The following ZNF626 variants were observed in gnomAD, a reference collection of about 807,000 sequenced individuals.
The protein encoded by ZNF626 is zinc finger protein 626.
ZNF626 carries 4 observed loss-of-function variants against 11.7 expected under a neutral mutation model. The ratio of observed to expected loss-of-function variants is 0.34; its 90% CI spans 0.17 to 0.78. The LOEUF (loss-of-function observed/expected upper bound fraction) is 0.78. Among genes scored for constraint, ZNF626 ranks in the 30% least tolerant of loss-of-function variants. ZNF626 has a pLI of 0.57. For missense variants in ZNF626, 588 were observed against 587.1 expected, an observed-to-expected ratio of 1.00 and a Z score of -0.01; for synonymous variants, 179 against 198.6, an observed-to-expected ratio of 0.90 and a Z score of 0.83.
chr19:20,627,501 A>G (rs1969851526), intron 3 of ZNF626, among the ~76,000 whole-genome samples: 1 of 152,088 alleles, frequency 6.6e-6, no homozygotes, highest in Admixed American at 6.6e-5. Flanking sequence ...GCAAAAAACC[A>G]CGAAAACCAC....
At chr19:20,629,787 T>G (rs12609895) in intron 3 of ZNF626, among the ~76,000 whole-genome samples, 1 of 152,288 alleles carries the variant, frequency 6.6e-6, no homozygotes, top group African/African-American at 2.4e-5. Context: ...TCCTGCCTGA[T>G]TGCCCTGGCC....
intron 1 of ZNF626, among the ~76,000 whole-genome samples, chr19:20,655,934 C>CA (rs59003455): frequency 0.021 from 2,716 of 129,542 alleles, 36 homozygotes; most frequent in East Asian, 0.023. Flanking sequence ...GACTTTGCCT[C>CA]AAAAAAAAAA....
chr19:20,631,156 T>C (rs559584870), intron 3 of ZNF626, among the ~76,000 whole-genome samples: 1 of 152,262 alleles, frequency 6.6e-6, no homozygotes, highest in East Asian at 1.9e-4. Flanking sequence ...TTATAATTTC[T>C]GTTCTTTTAC....
At chr19:20,644,352 G>A (rs547624934) in intron 3 of ZNF626, among the ~76,000 whole-genome samples, 9 of 152,168 alleles carry the variant, frequency 5.9e-5, no homozygotes, top group Non-Finnish European at 1.3e-4. Context: ...GCAAAGTCCC[G>A]AAGGATATGC....
Position 20,645,779 on chromosome 19 carries a change from C to T in ZNF626, c.131G>A (p.Gly44Asp), listed in dbSNP as rs983760818. 1.9e-6 allele frequency: 3 copies of T among 1,601,234 alleles called. No homozygotes were observed. Among genetic ancestry groups the T allele is most frequent in the Non-Finnish European group, 2.6e-6 (3 of 1,174,356 alleles). ...CAGGTCTGGCTTAGAAACAGTAATACCTGTTTTATTAAAAATAAATAACAT... is the reference window on the plus strand; with the variant it reads ...CAGGTCTGGCTTAGAAACAGTAATATCTGTTTTATTAAAAATAAATAACAT... Reference protein sequence around the residue: ...LENYSNLVFLGITVSKPDLIT... With the variant: ...LENYSNLVFLDITVSKPDLIT... Residue 44 changes from glycine (G) to aspartate (D), a missense_variant and splice_region_variant, in exon 3 of 4, where the codon GGT becomes GAT. Physicochemically the swap from Gly to Asp is moderately conservative, Grantham distance 94. Coordinates refer to ENST00000601440, the MANE Select transcript of ZNF626 (RefSeq NM_001076675.3).
chr19:20,625,532 T>C lies in ZNF626; in HGVS notation c.345A>G (p.Lys115=). The change falls in exon 4 of 4, where the codon AAA becomes AAG. Residue 115 remains lysine, a synonymous_variant. Transcript: ENST00000601440. The part of the protein sequence containing the change: ...KCEHDNLQLK[K]GCISVDECKV... ...TACACTCATCCACACTTATACATCC[T>C]TTTTTTAACTGTAAATTGTCATGTT... 1 of 1,612,624 alleles carries C rather than the reference T, an allele frequency of 6.2e-7. No homozygotes were observed. Among genetic ancestry groups the C allele is most frequent in the South Asian group, 1.1e-5 (1 of 90,682 alleles).
chr19:20,631,564 C>T (rs1432140550), intron 3 of ZNF626, among the ~76,000 whole-genome samples: 72 of 148,032 alleles, frequency 4.9e-4, no homozygotes, highest in African/African-American at 1.7e-3. Flanking sequence ...CTCTTTTGAT[C>T]TTTGTTGGTT....
At chr19:20,635,979 A>G (rs1969961305) in intron 3 of ZNF626, among the ~76,000 whole-genome samples, 2 of 152,134 alleles carry the variant, frequency 1.3e-5, no homozygotes, top group South Asian at 4.1e-4. Flanking sequence ...CTAAAAGTAC[A>G]AAATTAGCCG....
intron 3 of ZNF626, among the ~76,000 whole-genome samples, chr19:20,630,363 C>T (rs1325922995): frequency 6.6e-6 from 1 of 152,086 alleles, no homozygotes; most frequent in Non-Finnish European, 1.5e-5. Context: ...GGTACCAGCT[C>T]CTCTTTGTAC....
chr19:20,658,362 G>A (rs274805), intron 1 of ZNF626, among the ~76,000 whole-genome samples: 77,643 of 151,948 alleles, frequency 0.51, 22,913 homozygotes, highest in African/African-American at 0.82. Flanking sequence ...GGCAAGAAAC[G>A]CTAGGATCAA....
Position 20,624,831 on chromosome 19 carries a change from G to A in ZNF626, c.1046C>T (p.Ala349Val). The A allele has an allele frequency of 1.2e-6, 2 of 1,605,496 alleles. No individual in the cohort carries two copies. Among genetic ancestry groups the A allele is most frequent in the Non-Finnish European group, 8.5e-7 (1 of 1,176,194 alleles). The change falls in exon 4 of 4, where the codon GCC (alanine) becomes GTC (valine). Residue 349 changes from alanine (A) to valine (V), a missense_variant. Transcript: ENST00000601440. ...KPYKCEECGK[A>V]FKYSSTLTTH... ...AGTAAGGGTAGAGGAGTACTTAAAG[G>A]CTTTGCCACATTCTTCACATTTGTA...
At chr19:20,629,824 G>A (rs111789058) in intron 3 of ZNF626, among the ~76,000 whole-genome samples, 13 of 152,162 alleles carry the variant, frequency 8.5e-5, no homozygotes, top group Non-Finnish European at 1.9e-4. Flanking sequence ...TGTTGAATAG[G>A]AGTGGTGAGA....
intron 1 of ZNF626, among the ~76,000 whole-genome samples, chr19:20,654,068 A>G (rs928133935): frequency 1.3e-5 from 2 of 152,220 alleles, no homozygotes. Flanking sequence ...TATTCTTTGG[A>G]TATTAGATAT....
In ZNF626 at chr19:20,661,518, G is replaced by C; in HGVS notation, c.-72C>G. ...TACCTGCAGGACACGGGGCCACACA[G>C]CCTGGGCCTTTAGGAGAAGAACCAG... On this transcript the variant is annotated 5_prime_UTR_variant, in exon 1 of 4. Transcript: ENST00000601440. 1 of 1,538,250 alleles carries C rather than the reference G, an allele frequency of 6.5e-7. No individual in the cohort carries two copies. Among genetic ancestry groups the C allele is most frequent in the Non-Finnish European group, 8.7e-7 (1 of 1,144,066 alleles).
At position 20,653,625 on chromosome 19, in the gene ZNF626, TCCCCTGCCCTCC is replaced by T. The variant is rs1555772795; in HGVS notation, c.4-7232_4-7221del. The stretch of plus-strand genomic sequence containing the variant: ...GCCTGGGGGACAGAGTGAGACTCTG[TCCCCTGCCCTCC>T]CAGCAAAAAAAAAAAGAAAAAGAAA... On this transcript the variant is annotated intron_variant, in intron 1 of 3. Transcript: ENST00000601440. 2.2e-3 allele frequency among the ~76,000 whole-genome samples: 280 copies of T among 126,814 alleles called. 1 individual carries two copies. Among genetic ancestry groups the T allele is most frequent in the African/African-American group, 8.2e-3 (269 of 32,616 alleles). 83.2% of individuals were successfully genotyped at this position (126,814 alleles called of 152,430 possible). A position where few individuals can be genotyped will look rare whatever the true frequency, so the allele number is the denominator to read the frequency against.
rs1970267698 is a variant in ZNF626, at chr19:20,661,475, T to C, written c.-29A>G. The C allele has an allele frequency of 6.2e-7, 1 of 1,613,208 alleles. No individual in the cohort carries two copies. The highest frequency in any genetic ancestry group is 8.5e-7 in the Non-Finnish European group (1 of 1,179,446). ...TGGCTTCCAGGAGGTCCCGGTGTCTTAGCTGTGGATCTCCCAATACCTGCA... is the reference window on the plus strand; with the variant it reads ...TGGCTTCCAGGAGGTCCCGGTGTCTCAGCTGTGGATCTCCCAATACCTGCA... On this transcript the variant is annotated 5_prime_UTR_variant, in exon 1 of 4. Transcript: ENST00000601440.
intron 3 of ZNF626, 43 bp downstream of exon 3, chr19:20,645,641 C>G (rs371071457): frequency 6.3e-7 from 1 of 1,592,792 alleles, no homozygotes; most frequent in Non-Finnish European, 8.5e-7. Flanking sequence ...CTTGGGACCC[C>G]TTATCTGTGT....
In ZNF626 at chr19:20,625,033, T is replaced by C; in HGVS notation, c.844A>G (p.Lys282Glu). The change falls in exon 4 of 4, where the codon AAG becomes GAG. Residue 282 changes from lysine to glutamate, a missense_variant. Physicochemically the swap from Lys to Glu is moderately conservative, Grantham distance 56. Transcript: ENST00000601440. ...LSKHEIIHTE[K>E]KPYKCEECGK... ...CATTCTTCACATTTGTAGGGTTTCT[T>C]TTCCGTATGAATTATCTCATGTTTA... 2 of 1,611,940 alleles carry C rather than the reference T, an allele frequency of 1.2e-6. No individual in the cohort carries two copies. Among genetic ancestry groups the C allele is most frequent in the South Asian group, 2.2e-5 (2 of 90,954 alleles).
chr19:20,626,072 C>G (rs1555769654), intron 3 of ZNF626, among the ~76,000 whole-genome samples: 1 of 150,532 alleles, frequency 6.6e-6, no homozygotes. Flanking sequence ...ACCATCTTGG[C>G]AAAGATGATG....
Sources: allele counts gnomAD v4.1 joint callset (sites outside exome capture counted in the v4.1 genomes callset), GRCh38; gene constraint gnomAD v4.1.1; transcripts MANE v1.5; gene names NCBI Gene and HGNC (gene_info 2026-07-23, HGNC 2026-07-21).